ANXA11: variants seen among roughly 807,000 people sequenced by gnomAD.
The protein encoded by ANXA11 is 56 kDa autoantigen.
A neutral mutation model predicts 64.7 loss-of-function variants in ANXA11; 57 were observed. The observed-to-expected ratio is 0.88, with a 90% CI of 0.71 to 1.10. The LOEUF (loss-of-function observed/expected upper bound fraction) is 1.10, where lower values mean the gene tolerates loss of function less well. Ranked by LOEUF, ANXA11 falls within the 50% of genes least tolerant of loss-of-function variation. ANXA11 has a pLI of 0.00. For synonymous variants in ANXA11, 260 were observed against 265.2 expected, an observed-to-expected ratio of 0.98 and a Z score of 0.19; for missense variants, 675 against 670.7, an observed-to-expected ratio of 1.01 and a Z score of -0.07.
At chr10:80,181,615 G>A (rs940949960) in intron 1 of ANXA11, among the ~76,000 whole-genome samples, 3 of 152,108 alleles carry the variant, frequency 2.0e-5, no homozygotes, top group Admixed American at 1.3e-4. Flanking sequence ...AAAACCTTAC[G>A]ATTTAAAAAA....
At chr10:80,186,981 G>A (rs1199155183) in intron 1 of ANXA11, among the ~76,000 whole-genome samples, 1 of 152,232 alleles carries the variant, frequency 6.6e-6, no homozygotes, top group Non-Finnish European at 1.5e-5. Context: ...TGGAAAGTGG[G>A]CAGCAGAGGA....
At chr10:80,188,929 G>C (rs997226914) in intron 1 of ANXA11, among the ~76,000 whole-genome samples, 3 of 152,130 alleles carry the variant, frequency 2.0e-5, no homozygotes, top group African/African-American at 7.2e-5. Context: ...CCAACCCTTA[G>C]GGTCCCGGGG....
intron 9 of ANXA11, 71 bp from the exon 10 acceptor site, chr10:80,163,684 C>T: frequency 7.1e-7 from 1 of 1,404,168 alleles, no homozygotes; most frequent in South Asian, 1.2e-5. Flanking sequence ...AAAACACTAT[C>T]AAAAGTGGGT....
At position 80,172,789 on chromosome 10, in the gene ANXA11, C is replaced by T. The variant is rs1193344718; in HGVS notation, c.55+18G>A. On this transcript the variant is annotated intron_variant, in intron 3 of 15. Coordinates refer to ENST00000422982, the MANE Select transcript of ANXA11 (RefSeq NM_145868.2). ...CAGAGGCAGCATTCACTCTCCTCCC[C>T]ACCCCAGACCCTCTTACCTGGTGCA... is the stretch of plus-strand genomic sequence containing the variant. 5 of 1,613,272 alleles carry T rather than the reference C, an allele frequency of 3.1e-6. No individual in the cohort carries two copies. Among genetic ancestry groups the T allele is most frequent in the African/African-American group, 2.7e-5 (2 of 74,918 alleles).
intron 13 of ANXA11, among the ~76,000 whole-genome samples, chr10:80,158,897 C>T (rs887600468): frequency 6.6e-6 from 1 of 152,212 alleles, no homozygotes; most frequent in Non-Finnish European, 1.5e-5. Flanking sequence ...CACAAGACAC[C>T]TCCAGGACAG....
At chr10:80,203,106 G>A (rs1322805493) in intron 1 of ANXA11, among the ~76,000 whole-genome samples, 5 of 151,570 alleles carry the variant, frequency 3.3e-5, no homozygotes, top group Admixed American at 6.6e-5. Context: ...GGAAGGAGGG[G>A]GTGCACCAGA....
chr10:80,183,561 G>A (rs2789694), intron 1 of ANXA11, among the ~76,000 whole-genome samples: 9,597 of 152,290 alleles, frequency 0.063, 314 homozygotes, highest in Middle Eastern at 0.099. Context: ...CGGGTGTGGC[G>A]GAGAGGGTCC....
chr10:80,190,516 C>T (rs1257703577), intron 1 of ANXA11, among the ~76,000 whole-genome samples: 7 of 132,636 alleles, frequency 5.3e-5, no homozygotes, highest in Admixed American at 1.6e-4. Context: ...GACGGAGTCT[C>T]GCTCTTTTGC....
In ANXA11 at chr10:80,155,891, G is replaced by A. The variant is rs747039260; in HGVS notation, c.1480C>T (p.Arg494Trp). 24 of 1,614,026 alleles carry A rather than the reference G, an allele frequency of 1.5e-5. No homozygotes were observed. The highest frequency in any genetic ancestry group is 1.9e-5 in the Non-Finnish European group (23 of 1,180,014). ...CCACAGATCTTCAGCAGAATCTTCC[G>A]GTAATCCCCTGAAGTATCTCCCTGG... ...DISGDTSGDY[R>W]KILLKICGGN... The change falls in exon 16 of 16, where the codon CGG (arginine) becomes TGG (tryptophan). Residue 494 changes from arginine (R) to tryptophan (W), a missense_variant. Transcript: ENST00000422982.
chr10:80,167,429 A>T, intron 5 of ANXA11, 116 bp from the exon 6 acceptor site: 1 of 863,128 alleles, frequency 1.2e-6, no homozygotes, highest in Non-Finnish European at 1.9e-6. Context: ...GGAGTATCTA[A>T]AGGAGTCCAC....
intron 12 of ANXA11, 143 bp downstream of exon 12, chr10:80,161,792 T>TAA: frequency 1.5e-6 from 1 of 663,310 alleles, no homozygotes; most frequent in Non-Finnish European, 2.6e-6. Flanking sequence ...CAGTGTCTTT[T>TAA]AAATTCCCAC....
rs201948928 is a variant in ANXA11 at position 80,159,118 on chromosome 10, C to T, written c.1258G>A (p.Glu420Lys). ...CACTTACCCACGGCCAGCATGCCCT[C>T]CTCCAGGTCCCCGGACATCTCCCGG... ...ICREMSGDLE[E>K]GMLAVVKCLK... is the part of the protein sequence containing the mutation. Residue 420 changes from glutamate (E) to lysine (K), a missense_variant, in exon 13 of 16, where the codon GAG becomes AAG. Physicochemically the swap from Glu to Lys is moderately conservative, Grantham distance 56. Coordinates refer to ENST00000422982, the MANE Select transcript of ANXA11 (RefSeq NM_145868.2). 14 of 1,614,086 alleles carry T rather than the reference C, an allele frequency of 8.7e-6. No individual in the cohort carries two copies. The East Asian group carries it at 1.3e-4, about 15-fold the overall frequency.
intron 1 of ANXA11, among the ~76,000 whole-genome samples, chr10:80,182,917 T>C (rs1364308954): frequency 6.6e-6 from 1 of 152,162 alleles, no homozygotes; most frequent in African/African-American, 2.4e-5. Context: ...AGCTGCATTA[T>C]AGGACACCCA....
rs1845404551 is a variant in ANXA11, at chr10:80,159,132, G to T, written c.1244C>A (p.Ser415Tyr). The T allele has an allele frequency of 6.2e-7, 1 of 1,613,990 alleles. No homozygotes were observed. Among genetic ancestry groups the T allele is most frequent in the Non-Finnish European group, 8.5e-7 (1 of 1,180,024 alleles). Reference sequence around the variant, plus strand: ...CAGCATGCCCTCCTCCAGGTCCCCGGACATCTCCCGGCAGATGCTCTTCTC... The same window carrying T: ...CAGCATGCCCTCCTCCAGGTCCCCGTACATCTCCCGGCAGATGCTCTTCTC... ...DIEKSICREM[S>Y]GDLEEGMLAV... Residue 415 changes from serine (S) to tyrosine (Y), a missense_variant, in exon 13 of 16, where the codon TCC (serine) becomes TAC (tyrosine). Physicochemically the swap from Ser to Tyr is moderately radical, Grantham distance 144 (BLOSUM62 -2). Transcript: ENST00000422982.
At chr10:80,194,862 C>T (rs1589451446) in intron 1 of ANXA11, among the ~76,000 whole-genome samples, 1 of 152,316 alleles carries the variant, frequency 6.6e-6, no homozygotes, top group Middle Eastern at 3.4e-3. Flanking sequence ...TGACACTCGG[C>T]TAGGGCTGGC....
chr10:80,155,626 C>G lies in ANXA11; in HGVS notation c.*227G>C, dbSNP rs1334866905. ...AAAAATGAAACATCTATTTTAGCAG[C>G]AAGAGGCTGTGAGGGATGGGGTAGA... On this transcript the variant is annotated 3_prime_UTR_variant, in exon 16 of 16. Transcript: ENST00000422982. 2 of 513,846 alleles carry G rather than the reference C, an allele frequency of 3.9e-6. No individual in the cohort carries two copies. Among genetic ancestry groups the G allele is most frequent in the Non-Finnish European group, 6.9e-6 (2 of 291,336 alleles). The allele number at this position is 513,846 out of a possible 1,614,324, so 31.8% of individuals were successfully genotyped here.
intron 3 of ANXA11, 53 bp from the exon 4 acceptor site, chr10:80,170,968 GA>G: frequency 1.3e-6 from 2 of 1,544,998 alleles, no homozygotes; most frequent in Admixed American, 2.1e-5. Context: ...ACCACACGGG[GA>G]AAGGCAGAGA....
intron 1 of ANXA11, among the ~76,000 whole-genome samples, chr10:80,189,045 G>C (rs971015514): frequency 6.6e-6 from 1 of 152,162 alleles, no homozygotes; most frequent in Non-Finnish European, 1.5e-5. Context: ...GACATCCCCG[G>C]TACCTGTGAA....
intron 1 of ANXA11, among the ~76,000 whole-genome samples, chr10:80,183,189 C>A (rs1846418185): frequency 6.6e-6 from 1 of 152,172 alleles, no homozygotes; most frequent in Non-Finnish European, 1.5e-5. Flanking sequence ...CAGGCTAGAG[C>A]AAGGTGCAGA....
Sources: allele counts gnomAD v4.1 joint callset (sites outside exome capture counted in the v4.1 genomes callset), GRCh38; gene constraint gnomAD v4.1.1; transcripts MANE v1.5; gene names NCBI Gene and HGNC (gene_info 2026-07-23, HGNC 2026-07-21).